The following COL18A1 variants were observed in gnomAD, a reference collection of about 807,000 sequenced individuals.
The protein encoded by COL18A1 is collagen type XVIII alpha 1 chain, also known as collagen alpha-1(XVIII) chain.
COL18A1 carries 133 observed loss-of-function variants against 168.0 expected under a neutral mutation model. That is an observed-to-expected ratio of 0.79 (90% CI 0.69 to 0.91). COL18A1 has a LOEUF of 0.91. COL18A1 is among the 40% of genes least tolerant of loss of function. The pLI, the probability that COL18A1 is intolerant of heterozygous loss-of-function variation, is 0.00. For synonymous variants in COL18A1, 949 were observed against 809.0 expected, an observed-to-expected ratio of 1.17 and a Z score of -2.94; for missense variants, 2,126 against 1,925.4, an observed-to-expected ratio of 1.10 and a Z score of -1.95.
Position 45,463,177 on chromosome 21 carries a change from G to A in COL18A1, c.107-5065G>A, listed in dbSNP as rs778245821. Among the ~76,000 whole-genome samples, 40 of 152,214 alleles carry A rather than the reference G, an allele frequency of 2.6e-4. No individual in the cohort carries two copies. Among genetic ancestry groups the A allele is most frequent in the Non-Finnish European group, 5.6e-4 (38 of 68,038 alleles). On this transcript the variant is annotated intron_variant, in intron 2 of 41. Coordinates refer to ENST00000651438, the MANE Select transcript of COL18A1 (RefSeq NM_001379500.1). This position sits in a 1 kb window ranked among gnomAD's most constrained non-coding sequence, Gnocchi z 4.0. ...GAAGGGGCAGCTTGCAACAACAGAG[G>A]GAGTGTAAAACAATGGCCCCACCTC...
At chr21:45,500,433 G>A (rs1292568261) in intron 32 of COL18A1, among the ~76,000 whole-genome samples, 1 of 132,858 alleles carries the variant, frequency 7.5e-6, no homozygotes, top group Non-Finnish European at 1.6e-5. Flanking sequence ...GGGTGTGTGT[G>A]GAGTGTGGCT....
chr21:45,486,858 C>A lies in COL18A1; in HGVS notation c.1702-3C>A, dbSNP rs764619880. The A allele has an allele frequency of 6.5e-7, 1 of 1,528,558 alleles. No homozygotes were observed. Among genetic ancestry groups the A allele is most frequent in the South Asian group, 1.2e-5 (1 of 82,958 alleles). The allele number at this position is 1,528,558 out of a possible 1,614,324, so 94.7% of individuals were successfully genotyped here. ...CCTGACACGCTCTCCTCACCCCACGCAGGGGAGCAAGGGAGCCCCCGGTCC... is the reference window on the plus strand; with the variant it reads ...CCTGACACGCTCTCCTCACCCCACGAAGGGGAGCAAGGGAGCCCCCGGTCC... On this transcript the variant is annotated splice_polypyrimidine_tract_variant and splice_region_variant and intron_variant, in intron 15 of 41. Transcript: ENST00000651438.
At chr21:45,452,341 A>T (rs538190132) in intron 2 of COL18A1, among the ~76,000 whole-genome samples, 26 of 149,876 alleles carry the variant, frequency 1.7e-4, no homozygotes, top group African/African-American at 6.2e-4. Flanking sequence ...CTGAGCATGC[A>T]TATGCACTCT....
At chr21:45,500,481 G>GGTGT (rs1304075523) in intron 32 of COL18A1, among the ~76,000 whole-genome samples, 9 of 60,558 alleles carry the variant, frequency 1.5e-4, no homozygotes, top group African/African-American at 6.3e-4. Context: ...GGTGTGGTTT[G>GGTGT]GTGTGTTGCG....
intron 2 of COL18A1, among the ~76,000 whole-genome samples, chr21:45,412,581 A>C (rs1363914554): frequency 6.6e-6 from 1 of 151,604 alleles, no homozygotes; most frequent in Non-Finnish European, 1.5e-5. Flanking sequence ...GTTTTTCCTC[A>C]TTTTTCTGGT....
chr21:45,477,359 G>A (rs2035713595), intron 6 of COL18A1, 52 bp from the exon 7 acceptor site: 1 of 1,509,500 alleles, frequency 6.6e-7, no homozygotes, highest in Admixed American at 1.8e-5. Context: ...CGAGAGCAGA[G>A]CTGGGGCCAC....
intron 37 of COL18A1, chr21:45,506,748 G>GCCCTCCCACCTTCCCTCTGGAA (rs879896953): frequency 7.8e-5 from 6 of 77,414 alleles, no homozygotes; most frequent in Admixed American, 2.3e-4. Context: ...TCCTTCTAGA[G>GCCCTCCCACCTTCCCTCTGGAA]CCCTCCCACC....
intron 2 of COL18A1, among the ~76,000 whole-genome samples, chr21:45,444,187 C>T (rs1037999106): frequency 2.0e-5 from 3 of 152,218 alleles, no homozygotes; most frequent in Non-Finnish European, 4.4e-5. Context: ...TCCTGCCTCC[C>T]GAAATCACCT....
At chr21:45,449,525 C>A (rs2034575861) in intron 2 of COL18A1, among the ~76,000 whole-genome samples, 1 of 152,134 alleles carries the variant, frequency 6.6e-6, no homozygotes, top group African/African-American at 2.4e-5. Context: ...AATCGGGGGA[C>A]AGAAGCCTCC....
At position 45,495,657 on chromosome 21, in the gene COL18A1, T is replaced by C. The variant is rs1024255508; in HGVS notation, c.2508+225T>C. The C allele has an allele frequency of 3.6e-5, 20 of 550,320 alleles. 1 individual carries two copies. The East Asian group carries it at 6.4e-4, about 18-fold the overall frequency. 34.1% of individuals were successfully genotyped at this position (550,320 alleles called of 1,614,324 possible). Reference sequence around the variant, plus strand: ...GCACATATATGGCCGTACTCATACATGTGTGCACATATACACATGCATCTA... The same window carrying C: ...GCACATATATGGCCGTACTCATACACGTGTGCACATATACACATGCATCTA... On this transcript the variant is annotated intron_variant, in intron 29 of 41. Transcript: ENST00000651438.
intron 3 of COL18A1, 124 bp downstream of exon 3, chr21:45,468,910 A>G (rs1015179553): frequency 9.4e-7 from 1 of 1,059,804 alleles, no homozygotes; most frequent in Admixed American, 2.8e-5. Context: ...AGCTGTGGTC[A>G]GCCCGGGCCT....
At chr21:45,421,673 A>G in intron 2 of COL18A1, 1 of 490,362 alleles carries the variant, frequency 2.0e-6, no homozygotes, top group South Asian at 1.5e-5. Context: ...AAGGAAGCTC[A>G]CACTGTTTCA....
At chr21:45,493,031 G>A in intron 24 of COL18A1, 132 bp from the exon 25 acceptor site, 1 of 937,734 alleles carries the variant, frequency 1.1e-6, no homozygotes, top group East Asian at 2.6e-5. Flanking sequence ...TGAGGCTGGG[G>A]CCGCGAGGGG....
chr21:45,452,144 C>T (rs919316680), intron 2 of COL18A1, among the ~76,000 whole-genome samples: 6 of 152,260 alleles, frequency 3.9e-5, no homozygotes, highest in Non-Finnish European at 8.8e-5. Context: ...CATCTGGGCA[C>T]CCAGATCCTG....
At chr21:45,449,874 T>C (rs1258258661) in intron 2 of COL18A1, among the ~76,000 whole-genome samples, 1 of 152,198 alleles carries the variant, frequency 6.6e-6, no homozygotes, top group East Asian at 1.9e-4. Flanking sequence ...GGGGGCACTC[T>C]GGAAGTGCCA....
Position 45,471,015 on chromosome 21 carries a change from G to A in COL18A1, c.651+2229G>A, listed in dbSNP as rs371965382. On this transcript the variant is annotated intron_variant, in intron 3 of 41. Transcript: ENST00000651438. The surrounding 1 kb of genome is among the most constrained non-coding windows in gnomAD (Gnocchi z 4.4). Reference sequence around the variant, plus strand: ...CTTCGTGCTGCTGGGCCTGGGTGGCGTGCTACGGGCTTGTGCTGCTGGGTG... The same window carrying A: ...CTTCGTGCTGCTGGGCCTGGGTGGCATGCTACGGGCTTGTGCTGCTGGGTG... Among the ~76,000 whole-genome samples, 25 of 140,742 alleles carry A rather than the reference G, an allele frequency of 1.8e-4. No individual in the cohort carries two copies. In the South Asian group the frequency reaches 4.7e-3, roughly 27 times the overall value. 92.3% of individuals were successfully genotyped at this position (140,742 alleles called of 152,430 possible). A position where few individuals can be genotyped will look rare whatever the true frequency, so the allele number is the denominator to read the frequency against.
chr21:45,455,784 A>AGCT, intron 2 of COL18A1: 1 of 1,613,648 alleles, frequency 6.2e-7, no homozygotes. Context: ...CCACCCTCAG[A>AGCT]GCTGCTGGAA....
chr21:45,467,229 T>C (rs2035243829), intron 2 of COL18A1: 2 of 985,274 alleles, frequency 2.0e-6, no homozygotes, highest in African/African-American at 3.5e-5. Flanking sequence ...GTGAGAACTC[T>C]GGGCACCGGG....
At position 45,511,113 on chromosome 21, in the gene COL18A1, C is replaced by A; in HGVS notation, c.3696C>A (p.Asp1232Glu). ...RAAVPIVNLK[D>E]ELLFPSWEAL... is the part of the protein sequence containing the mutation. ...CATACACACGGTTTCTCTTCCAGGA[C>A]GAGCTGCTGTTTCCCAGCTGGGAGG... Residue 1232 changes from aspartate to glutamate, a missense_variant and splice_region_variant, in exon 41 of 42, where the codon GAC becomes GAA. Transcript: ENST00000651438. The A allele has an allele frequency of 6.5e-7, 1 of 1,541,370 alleles. No individual in the cohort carries two copies. Among genetic ancestry groups the A allele is most frequent in the South Asian group, 1.2e-5 (1 of 85,364 alleles).
Sources: allele counts gnomAD v4.1 joint callset (sites outside exome capture counted in the v4.1 genomes callset), GRCh38; gene constraint gnomAD v4.1.1; non-coding constraint Gnocchi (gnomAD v3.1); transcripts MANE v1.5; gene names NCBI Gene and HGNC (gene_info 2026-07-23, HGNC 2026-07-21).